OTUD7A: variants seen among roughly 807,000 people sequenced by gnomAD.
The protein encoded by OTUD7A is OTU deubiquitinase 7A, also known as OTU domain-containing protein 7A.
A neutral mutation model predicts 65.7 loss-of-function variants in OTUD7A; 12 were observed. The ratio of observed to expected loss-of-function variants is 0.18; its 90% CI spans 0.12 to 0.30. OTUD7A has a LOEUF of 0.30. Ranked by LOEUF, OTUD7A falls within the 10% of genes least tolerant of loss-of-function variation. The pLI is 1.00. For synonymous variants in OTUD7A, 641 were observed against 586.3 expected, an observed-to-expected ratio of 1.09 and a Z score of -1.35; for missense variants, 1,148 against 1,304.8, an observed-to-expected ratio of 0.88 and a Z score of 1.85.
chr15:31,811,024 A>G (rs912354978), intron 1 of OTUD7A, among the ~76,000 whole-genome samples: 1 of 152,152 alleles, frequency 6.6e-6, no homozygotes, highest in Non-Finnish European at 1.5e-5. Flanking sequence ...GAAAGTCTCA[A>G]AGCAGGGTCC....
At chr15:31,567,999 T>C (rs572617213) in intron 4 of OTUD7A, among the ~76,000 whole-genome samples, 40 of 152,358 alleles carry the variant, frequency 2.6e-4, no homozygotes, top group African/African-American at 9.1e-4. Flanking sequence ...AGCAGGGGCA[T>C]AGCCCTCACA....
At chr15:31,494,183 A>T (rs1303319919) in intron 10 of OTUD7A, among the ~76,000 whole-genome samples, 1 of 152,254 alleles carries the variant, frequency 6.6e-6, no homozygotes, top group Non-Finnish European at 1.5e-5. Context: ...TTCCTCCAAC[A>T]TTCACTGTTA....
chr15:31,548,648 A>G (rs180751005), intron 5 of OTUD7A, among the ~76,000 whole-genome samples: 1 of 152,272 alleles, frequency 6.6e-6, no homozygotes, highest in East Asian at 1.9e-4. Flanking sequence ...AAAATGGCGT[A>G]TAATACACCT....
At chr15:31,829,082 T>G (rs1896868148) in intron 1 of OTUD7A, among the ~76,000 whole-genome samples, 1 of 152,126 alleles carries the variant, frequency 6.6e-6, no homozygotes, top group Admixed American at 6.5e-5. Flanking sequence ...ATGAAGCAGA[T>G]AAAACCAAAG....
intron 1 of OTUD7A, chr15:31,766,667 G>A: frequency 1.2e-6 from 2 of 1,601,810 alleles, no homozygotes; most frequent in African/African-American, 1.3e-5. Flanking sequence ...CTTCAAAGCT[G>A]TTCTGACTTG....
intron 3 of OTUD7A, among the ~76,000 whole-genome samples, chr15:31,615,485 A>G (rs1247169105): frequency 6.6e-6 from 1 of 152,226 alleles, no homozygotes; most frequent in South Asian, 2.1e-4. Flanking sequence ...AGAGAAATAT[A>G]CAAGTCCACG....
chr15:31,792,018 A>C (rs951291511), intron 1 of OTUD7A, among the ~76,000 whole-genome samples: 3 of 151,772 alleles, frequency 2.0e-5, no homozygotes, highest in African/African-American at 7.3e-5. Flanking sequence ...CCCAACCAGG[A>C]CTCTTGACTT....
At chr15:31,515,624 ATC>A (rs2041836412) in intron 8 of OTUD7A, among the ~76,000 whole-genome samples, 2 of 27,506 alleles carry the variant, frequency 7.3e-5, no homozygotes, top group Admixed American at 3.6e-4. Flanking sequence ...CCACCCACCC[ATC>A]TCTCTTCCTT....
chr15:31,593,002 T>A (rs901425242), intron 3 of OTUD7A, among the ~76,000 whole-genome samples: 2 of 139,950 alleles, frequency 1.4e-5, no homozygotes, highest in African/African-American at 2.7e-5. Context: ...TCTAAAATGA[T>A]GATAAAAAGT....
chr15:31,656,810 T>C (rs1892007038), intron 2 of OTUD7A, among the ~76,000 whole-genome samples, 173 bp downstream of exon 2: 2 of 151,962 alleles, frequency 1.3e-5, no homozygotes, highest in East Asian at 1.9e-4. Flanking sequence ...TGATTTTCTG[T>C]AGGAATGCAG....
chr15:31,719,584 C>A (rs397742664), intron 1 of OTUD7A, among the ~76,000 whole-genome samples: 1 of 152,174 alleles, frequency 6.6e-6, no homozygotes, highest in East Asian at 1.9e-4. Flanking sequence ...CCTCAAGCAC[C>A]GTCATTCCTC....
chr15:31,722,232 G>A (rs1344451373), intron 1 of OTUD7A, among the ~76,000 whole-genome samples: 3 of 152,136 alleles, frequency 2.0e-5, no homozygotes, highest in Admixed American at 2.0e-4. Flanking sequence ...GATTGGTATG[G>A]ACACAGTCAG....
chr15:31,593,358 C>T (rs998421802), intron 3 of OTUD7A, among the ~76,000 whole-genome samples: 3 of 151,894 alleles, frequency 2.0e-5, no homozygotes, highest in African/African-American at 4.8e-5. Flanking sequence ...AGTGGGGTCT[C>T]GGGGTCAGAG....
At chr15:31,587,833 G>T (rs1383889697) in intron 3 of OTUD7A, among the ~76,000 whole-genome samples, 2 of 151,884 alleles carry the variant, frequency 1.3e-5, no homozygotes, top group East Asian at 3.9e-4. Context: ...CTGGGCCAGG[G>T]CTTTCTGCCA....
chr15:31,837,488 G>A (rs925620661), intron 1 of OTUD7A, among the ~76,000 whole-genome samples: 4 of 152,108 alleles, frequency 2.6e-5, no homozygotes, highest in African/African-American at 9.7e-5. Context: ...AGAGGTTGCA[G>A]TGGGGCAAGA....
chr15:31,711,582 T>C (rs1188022185), intron 1 of OTUD7A, among the ~76,000 whole-genome samples: 1 of 148,610 alleles, frequency 6.7e-6, no homozygotes, highest in East Asian at 2.0e-4. Flanking sequence ...ACCTACAGAG[T>C]TTTTGGAAAA....
chr15:31,671,989 A>G (rs1892495894), intron 1 of OTUD7A, among the ~76,000 whole-genome samples: 1 of 152,256 alleles, frequency 6.6e-6, no homozygotes, highest in South Asian at 2.1e-4. Flanking sequence ...CTTAATGCTT[A>G]GCTCCCACTT....
At position 31,478,807 on chromosome 15, in the gene OTUD7A, G is replaced by C. The variant is rs1248964210; in HGVS notation, c.*4487C>G. On this transcript the variant is annotated 3_prime_UTR_variant, in exon 13 of 13. Transcript: ENST00000307050. The stretch of plus-strand genomic sequence containing the variant: ...AGAAGCTTGCAGAGTGGTCCAGCCT[G>C]GATGTGCCGCAGGGCCTCCTGGGGT... 1 of 152,436 alleles carries C rather than the reference G, an allele frequency of 6.6e-6. No homozygotes were observed. The highest frequency in any genetic ancestry group is 2.4e-5 in the African/African-American group (1 of 41,450). 9.4% of individuals were successfully genotyped at this position (152,436 alleles called of 1,614,324 possible).
chr15:31,820,883 C>T lies in OTUD7A; in HGVS notation c.-100+49624G>A, dbSNP rs371032928. Among the ~76,000 whole-genome samples, 36 of 152,204 alleles carry T rather than the reference C, an allele frequency of 2.4e-4. 1 individual carries two copies. In the East Asian group the frequency reaches 3.7e-3, roughly 16 times the overall value. On this transcript the variant is annotated intron_variant, in intron 1 of 12. Transcript: ENST00000307050. ...TATATTCACAGAGTTGTGCAACCAT[C>T]GGCACAATCTAATTCTAGAGCATTT...
Sources: gnomAD v4.1 joint callset for allele counts (sites outside exome capture counted in the v4.1 genomes callset) on GRCh38, gnomAD v4.1.1 for gene constraint, MANE v1.5 for transcripts, NCBI Gene and HGNC (gene_info 2026-07-23, HGNC 2026-07-21) for gene names.